The following STK32B variants were observed in gnomAD, a reference collection of about 807,000 sequenced individuals.
STK32B encodes serine/threonine-protein kinase 32B.
Under a neutral mutation model 52.6 loss-of-function variants are expected in STK32B, and 43 were observed. The ratio of observed to expected loss-of-function variants is 0.82; its 90% CI spans 0.64 to 1.05. The LOEUF (loss-of-function observed/expected upper bound fraction) is 1.05. Among genes scored for constraint, STK32B ranks in the 50% least tolerant of loss-of-function variants. The pLI, the probability that STK32B is intolerant of heterozygous loss-of-function variation, is 0.00. For missense variants in STK32B, 621 were observed against 534.6 expected (o/e 1.16, Z -1.59); for synonymous variants, 238 against 204.3 (o/e 1.17, Z -1.41).
chr4:5,316,138 TATATATATAACTAAATATATATAACTAA>T lies in STK32B; in HGVS notation c.261-15072_261-15045del, dbSNP rs1427357878. Reference sequence around the variant, plus strand: ...TATATATATATATTTTCAAGTTATATATATATATAACTAAATATATATAACTAAATATATATATAACTAAATATATATA... The same window carrying T: ...TATATATATATATTTTCAAGTTATATATATATATATAACTAAATATATATA... On this transcript the variant is annotated intron_variant, in intron 3 of 11. Coordinates refer to ENST00000282908, the MANE Select transcript of STK32B (RefSeq NM_018401.3). Among the ~76,000 whole-genome samples, 34 of 93,774 alleles carry T rather than the reference TATATATATAACTAAATATATATAACTAA, an allele frequency of 3.6e-4. 1 individual carries two copies. In the South Asian group the frequency reaches 9.0e-3, roughly 25 times the overall value. 61.5% of individuals were successfully genotyped at this position (93,774 alleles called of 152,430 possible).
the STK32B span, among the ~76,000 whole-genome samples, chr4:5,040,373 G>A: frequency 4.0e-5 from 6 of 148,764 alleles, no homozygotes; most frequent in African/African-American, 1.2e-4. Flanking sequence ...CACATGATGA[G>A]GCAGTGGCAG....
chr4:5,041,892 C>A, the STK32B span, among the ~76,000 whole-genome samples: 2 of 151,760 alleles, frequency 1.3e-5, no homozygotes, highest in African/African-American at 4.8e-5. Context: ...CTAAGCAAAC[C>A]AGACTCAAGT....
chr4:5,369,734 C>T (rs1011218148), intron 4 of STK32B, among the ~76,000 whole-genome samples: 72 of 152,226 alleles, frequency 4.7e-4, no homozygotes, highest in East Asian at 1.4e-3. Flanking sequence ...ACCAATTGTG[C>T]CAAGATTTGA....
intron 3 of STK32B, among the ~76,000 whole-genome samples, chr4:5,185,682 T>C (rs16836784): frequency 1.3e-5 from 2 of 152,074 alleles, no homozygotes; most frequent in Non-Finnish European, 2.9e-5. Context: ...TGCTATAGGC[T>C]CCTAACTACT....
intron 9 of STK32B, among the ~76,000 whole-genome samples, chr4:5,465,628 C>A (rs919446908): frequency 6.6e-6 from 1 of 152,168 alleles, no homozygotes; most frequent in Non-Finnish European, 1.5e-5. Flanking sequence ...AAACTCTTAT[C>A]ATCTGATCCC....
intron 4 of STK32B, among the ~76,000 whole-genome samples, chr4:5,373,965 G>A (rs1735416262): frequency 6.6e-6 from 1 of 152,174 alleles, no homozygotes; most frequent in East Asian, 1.9e-4. Context: ...ATTGAAAATA[G>A]GATCTTTGCC....
At chr4:5,118,172 T>A (rs1714839252) in intron 1 of STK32B, among the ~76,000 whole-genome samples, 1 of 152,232 alleles carries the variant, frequency 6.6e-6, no homozygotes, top group South Asian at 2.1e-4. Context: ...CCACCATTGA[T>A]GCTATAAGGT....
At chr4:5,035,909 G>A in the STK32B span, among the ~76,000 whole-genome samples, 1 of 151,570 alleles carries the variant, frequency 6.6e-6, no homozygotes, top group Non-Finnish European at 1.5e-5. Flanking sequence ...AGCCTCTTGA[G>A]TAGCTGGGAT....
intron 1 of STK32B, among the ~76,000 whole-genome samples, chr4:5,116,990 G>T (rs9998951): frequency 0.33 from 50,310 of 152,008 alleles, 9,950 homozygotes; most frequent in African/African-American, 0.53. Flanking sequence ...TGCATGTTGA[G>T]TTTGTATCCT....
At chr4:5,222,880 T>C (rs1456393655) in intron 3 of STK32B, among the ~76,000 whole-genome samples, 2 of 152,152 alleles carry the variant, frequency 1.3e-5, no homozygotes, top group Non-Finnish European at 2.9e-5. Flanking sequence ...AGAAGATTAG[T>C]ATGGATATAA....
chr4:5,330,952 C>T (rs576507526), intron 3 of STK32B, among the ~76,000 whole-genome samples: 1 of 152,274 alleles, frequency 6.6e-6, no homozygotes, highest in South Asian at 2.1e-4. Context: ...GTTAAACTGT[C>T]ATCTGTCTGC....
rs1727736178 is a variant in STK32B at position 5,275,243 on chromosome 4, C to A, written c.261-55977C>A. 2.6e-5 allele frequency among the ~76,000 whole-genome samples: 4 copies of A among 152,348 alleles called. No individual in the cohort carries two copies. In the South Asian group the frequency reaches 8.3e-4, roughly 32 times the overall value. On this transcript the variant is annotated intron_variant, in intron 3 of 11. Transcript: ENST00000282908. ...ATATTAAGTGATGATGTAGATTCAA[C>A]TTAGTTACATCCTGTCTGGCCTTTT...
At chr4:5,417,165 A>G (rs1345796130) in intron 6 of STK32B, among the ~76,000 whole-genome samples, 2 of 152,206 alleles carry the variant, frequency 1.3e-5, no homozygotes, top group Non-Finnish European at 2.9e-5. Context: ...ACTCCTGCTC[A>G]GCCAGAGAGC....
At position 5,395,958 on chromosome 4, in the gene STK32B, G is replaced by T. The variant is rs897153655; in HGVS notation, c.435-2249G>T. On this transcript the variant is annotated intron_variant, in intron 4 of 11. Coordinates refer to ENST00000282908, the MANE Select transcript of STK32B (RefSeq NM_018401.3). This position sits in a 1 kb window ranked among gnomAD's most constrained non-coding sequence, Gnocchi z 4.4. ...CAATGTGCGCCGGTGCAATGTGGAT[G>T]TGGGGGCGTGGCCAGGCCCTGGGCT... 6.6e-6 allele frequency among the ~76,000 whole-genome samples: 1 copy of T among 152,214 alleles called. No individual in the cohort carries two copies. The highest frequency in any genetic ancestry group is 1.5e-5 in the Non-Finnish European group (1 of 68,030).
intron 1 of STK32B, among the ~76,000 whole-genome samples, chr4:5,103,179 G>A (rs1009065447): frequency 2.6e-5 from 4 of 151,718 alleles, no homozygotes; most frequent in African/African-American, 9.7e-5. Flanking sequence ...AGATTTTAAA[G>A]AATGAAATGT....
At chr4:5,403,436 C>T (rs1308375619) in intron 5 of STK32B, among the ~76,000 whole-genome samples, 1 of 152,166 alleles carries the variant, frequency 6.6e-6, no homozygotes, top group Non-Finnish European at 1.5e-5. Context: ...CCCCACTCCC[C>T]ATCCTCCTGA....
chr4:5,251,545 AT>A (rs1202112611), intron 3 of STK32B, among the ~76,000 whole-genome samples: 3 of 152,118 alleles, frequency 2.0e-5, no homozygotes, highest in Non-Finnish European at 4.4e-5. Context: ...TTTGCTTAGT[AT>A]TCCTTAGTTA....
intron 3 of STK32B, among the ~76,000 whole-genome samples, chr4:5,268,559 G>GTA (rs1044978118): frequency 1.4e-5 from 2 of 147,526 alleles, no homozygotes; most frequent in African/African-American, 4.9e-5. Context: ...GTGTGTGTGT[G>GTA]TGTGTGTGTG....
At chr4:5,341,984 A>G (rs962096675) in intron 4 of STK32B, among the ~76,000 whole-genome samples, 9 of 152,112 alleles carry the variant, frequency 5.9e-5, no homozygotes, top group Admixed American at 6.5e-5. Flanking sequence ...TCCTAATGCT[A>G]TCCCTCCCCT....
Sources: allele counts gnomAD v4.1 joint callset (sites outside exome capture counted in the v4.1 genomes callset), GRCh38; gene constraint gnomAD v4.1.1; non-coding constraint Gnocchi (gnomAD v3.1); transcripts MANE v1.5; gene names NCBI Gene and HGNC (gene_info 2026-07-23, HGNC 2026-07-21).